Variants in STON2 observed in about 807,000 individuals in gnomAD.
STON2 encodes stonin-2.
In STON2, 29 loss-of-function variants were observed where a neutral mutation model predicts 65.7. The observed-to-expected ratio is 0.44, with a 90% CI of 0.33 to 0.60. The LOEUF is 0.60. Among genes scored for constraint, STON2 ranks in the 20% least tolerant of loss-of-function variants. The pLI, the probability that STON2 is intolerant of heterozygous loss-of-function variation, is 0.03. For synonymous variants in STON2, 404 were observed against 414.2 expected (o/e 0.98, Z 0.30); for missense variants, 1,054 against 1,118.1 (o/e 0.94, Z 0.82).
intron 1 of STON2, among the ~76,000 whole-genome samples, chr14:81,429,709 G>A (rs1902145548): frequency 6.6e-6 from 1 of 152,134 alleles, no homozygotes; most frequent in Non-Finnish European, 1.5e-5. Context: ...CGAGGCAGGT[G>A]GACCACCTGA....
At chr14:81,349,123 G>A (rs79015630) in intron 4 of STON2, among the ~76,000 whole-genome samples, 1,987 of 151,940 alleles carry the variant, frequency 0.013, 44 homozygotes, top group African/African-American at 0.045. Flanking sequence ...CCTAACACCC[G>A]AAACTACAAA....
At chr14:81,270,071 C>G (rs986656110) in intron 7 of STON2, 5 of 978,120 alleles carry the variant, frequency 5.1e-6, no homozygotes, top group Middle Eastern at 5.2e-4. Context: ...TGAATAATAA[C>G]AATTCCTTTA....
At chr14:81,269,861 C>T (rs1894502178) in intron 7 of STON2, 5 of 985,410 alleles carry the variant, frequency 5.1e-6, no homozygotes, top group Non-Finnish European at 6.0e-6. Flanking sequence ...ATTCCTTCCA[C>T]AGCCCTGACC....
At position 81,292,975 on chromosome 14, in the gene STON2, T is replaced by TG. The variant is rs998954922; in HGVS notation, c.743-14237dup. On this transcript the variant is annotated intron_variant, in intron 5 of 7. Transcript: ENST00000614646. ...GGTTACAACTTCACAATTGTCCTTTTGGGGACTCCCCCGTCTTGCTCAAGT... is the reference window on the plus strand; with the variant it reads ...GGTTACAACTTCACAATTGTCCTTTTGGGGGACTCCCCCGTCTTGCTCAAGT... Among the ~76,000 whole-genome samples the TG allele has an allele frequency of 9.2e-4, 140 of 152,302 alleles. 1 individual carries two copies. Among genetic ancestry groups the TG allele is most frequent in the African/African-American group, 3.3e-3 (136 of 41,566 alleles).
At chr14:81,344,420 A>C (rs1897735927) in intron 4 of STON2, among the ~76,000 whole-genome samples, 1 of 152,244 alleles carries the variant, frequency 6.6e-6, no homozygotes, top group African/African-American at 2.4e-5. Context: ...AAAATTAAAT[A>C]GAGGCCAATA....
chr14:81,344,783 A>G (rs1897750137), intron 4 of STON2, among the ~76,000 whole-genome samples: 1 of 152,240 alleles, frequency 6.6e-6, no homozygotes, highest in African/African-American at 2.4e-5. Flanking sequence ...AACTTTACCA[A>G]GTCAATAGAC....
intron 5 of STON2, among the ~76,000 whole-genome samples, chr14:81,310,169 T>C (rs546107617): frequency 2.0e-5 from 3 of 152,340 alleles, no homozygotes; most frequent in Admixed American, 1.3e-4. Flanking sequence ...CACCCAACTT[T>C]GGCCAGAATG....
At position 81,306,220 on chromosome 14, in the gene STON2, C is replaced by CTATTTTTTTTTTTTTTTTT. The variant is rs1555397665; in HGVS notation, c.742+17796_742+17797insAAAAAAAAAAAAAAAAATA. On this transcript the variant is annotated intron_variant, in intron 5 of 7. Coordinates refer to ENST00000614646, the MANE Select transcript of STON2 (RefSeq NM_001394390.1). The stretch of plus-strand genomic sequence containing the variant: ...TTATATATACACACACATACATACT[C>CTATTTTTTTTTTTTTTTTT]TTTTTTTTTTTTTTTTTTTTTTTTT... 5.8e-5 allele frequency among the ~76,000 whole-genome samples: 4 copies of CTATTTTTTTTTTTTTTTTT among 69,490 alleles called. 1 individual carries two copies. The highest frequency in any genetic ancestry group is 5.1e-5 in the Non-Finnish European group (2 of 39,088). 45.6% of individuals were successfully genotyped at this position (69,490 alleles called of 152,430 possible). A position where few individuals can be genotyped will look rare whatever the true frequency, so the allele number is the denominator to read the frequency against.
At chr14:81,304,773 C>A (rs915520185) in intron 5 of STON2, among the ~76,000 whole-genome samples, 1 of 152,072 alleles carries the variant, frequency 6.6e-6, no homozygotes, top group African/African-American at 2.4e-5. Flanking sequence ...GGATTCAAAC[C>A]CAGGCATTGT....
intron 3 of STON2, among the ~76,000 whole-genome samples, chr14:81,383,544 A>T (rs769216098): frequency 2.0e-5 from 3 of 152,164 alleles, no homozygotes; most frequent in Non-Finnish European, 4.4e-5. Flanking sequence ...AAAACCATCA[A>T]GTCATCCTTG....
chr14:81,356,219 C>G (rs7159429), intron 4 of STON2, among the ~76,000 whole-genome samples: 5,150 of 151,994 alleles, frequency 0.034, 285 homozygotes, highest in African/African-American at 0.11. Flanking sequence ...TAGCATGAAG[C>G]GTTGTTGAAT....
upstream of STON2, among the ~76,000 whole-genome samples, chr14:81,400,478 C>CAAAAAAAA (rs5810028): frequency 6.2e-5 from 6 of 96,694 alleles, 3 homozygotes; most frequent in African/African-American, 8.3e-5. Flanking sequence ...CAGCACCCGT[C>CAAAAAAAA]AAAAAAAAAA....
rs1894213489 is a variant in STON2, at chr14:81,263,062, A to G, written c.*5352T>C. 2.0e-6 allele frequency: 2 copies of G among 985,236 alleles called. No homozygotes were observed. Among genetic ancestry groups the G allele is most frequent in the African/African-American group, 3.5e-5 (2 of 57,238 alleles). 61.0% of individuals were successfully genotyped at this position (985,236 alleles called of 1,614,324 possible). On this transcript the variant is annotated 3_prime_UTR_variant, in exon 8 of 8. Transcript: ENST00000614646. ...CATGGTTTGAATGGGACTTAGTAGT[A>G]AAGTGTGTGAGACAGTGCATTTACC...
intron 4 of STON2, among the ~76,000 whole-genome samples, chr14:81,343,371 C>A (rs1368324720): frequency 6.6e-6 from 1 of 152,142 alleles, no homozygotes. Flanking sequence ...ACAAATCAGT[C>A]CTGGGGAGGG....
chr14:81,315,593 A>G (rs1340062639), intron 5 of STON2, among the ~76,000 whole-genome samples: 6 of 152,254 alleles, frequency 3.9e-5, no homozygotes, highest in Non-Finnish European at 8.8e-5. Flanking sequence ...GCTGAGATCC[A>G]TATCCAAATC....
Position 81,271,665 on chromosome 14 carries a change from G to A in STON2, c.2582-793C>T, listed in dbSNP as rs1185385025. Among the ~76,000 whole-genome samples the A allele has an allele frequency of 9.8e-5, 15 of 152,292 alleles. No homozygotes were observed. In the South Asian group the frequency reaches 1.9e-3, roughly 19 times the overall value. On this transcript the variant is annotated intron_variant, in intron 6 of 7. Transcript: ENST00000614646. ...ATCTATGGGTAACTCCACTATACTC[G>A]TGATGGCAAACTTTGGGTTTGATTT...
chr14:81,297,994 G>A (rs1327467103), intron 5 of STON2, among the ~76,000 whole-genome samples: 1 of 152,156 alleles, frequency 6.6e-6, no homozygotes, highest in East Asian at 1.9e-4. Flanking sequence ...CCAAGATGGC[G>A]CCATTGCACT....
chr14:81,406,744 G>T (rs1158311187), intron 2 of STON2, among the ~76,000 whole-genome samples: 1 of 152,212 alleles, frequency 6.6e-6, no homozygotes, highest in Non-Finnish European at 1.5e-5. Flanking sequence ...CTGATGTCCA[G>T]TATCTTTGTC....
Position 81,398,536 on chromosome 14 carries a change from A to G in STON2, c.-154T>C. 1 of 521,678 alleles carries G rather than the reference A, an allele frequency of 1.9e-6. No homozygotes were observed. Among genetic ancestry groups the G allele is most frequent in the Non-Finnish European group, 3.4e-6 (1 of 293,226 alleles). The allele number at this position is 521,678 out of a possible 1,614,324, so 32.3% of individuals were successfully genotyped here. A position where few individuals can be genotyped will look rare whatever the true frequency, so the allele number is the denominator to read the frequency against. ...GCCAAGGGCAGTACTCAGAATGTAG[A>G]CAGATCAGCCTCTCTTGCCGTTGGT... is the stretch of plus-strand genomic sequence containing the variant. On this transcript the variant is annotated 5_prime_UTR_variant, in exon 2 of 8. Transcript: ENST00000614646.
Sources: gnomAD v4.1 joint callset for allele counts (sites outside exome capture counted in the v4.1 genomes callset) on GRCh38, gnomAD v4.1.1 for gene constraint, MANE v1.5 for transcripts, NCBI Gene and HGNC (gene_info 2026-07-23, HGNC 2026-07-21) for gene names.